C19orf47: variants seen among roughly 807,000 people sequenced by gnomAD.
C19orf47 encodes chromosome 19 open reading frame 47.
Under a neutral mutation model 32.3 loss-of-function variants are expected in C19orf47, and 18 were observed. That is an observed-to-expected ratio of 0.56 (90% CI 0.39 to 0.83). The LOEUF is 0.83. Among genes scored for constraint, C19orf47 ranks in the 40% least tolerant of loss-of-function variants. C19orf47 has a pLI of 0.00. For missense variants in C19orf47, 484 were observed against 531.6 expected (o/e 0.91, Z 0.88); for synonymous variants, 202 against 211.1 (o/e 0.96, Z 0.37).
At chr19:40,322,419 C>A in intron 8 of C19orf47, 43 bp from the exon 9 acceptor site, 1 of 1,520,172 alleles carries the variant, frequency 6.6e-7, no homozygotes, top group South Asian at 1.3e-5. Context: ...CTGAGTCACT[C>A]AACACACATT....
At chr19:40,338,266 TAC>T (rs35520400) in intron 2 of C19orf47, among the ~76,000 whole-genome samples, 3,946 of 143,548 alleles carry the variant, frequency 0.027, 65 homozygotes, top group Non-Finnish European at 0.033. Context: ...TACATATATA[TAC>T]ACACACACAC....
At chr19:40,344,678 A>T (rs1399248370) in intron 1 of C19orf47, among the ~76,000 whole-genome samples, 1 of 151,398 alleles carries the variant, frequency 6.6e-6, no homozygotes. Context: ...TCGATGAAAA[A>T]CCCCGACTCA....
downstream of C19orf47, among the ~76,000 whole-genome samples, chr19:40,317,765 G>A (rs1568598303): frequency 6.7e-6 from 1 of 150,008 alleles, no homozygotes; most frequent in Non-Finnish European, 1.5e-5. Flanking sequence ...TGTCGCCCAG[G>A]CTGGAGTGTA....
intron 6 of C19orf47, 44 bp from the exon 7 acceptor site, chr19:40,326,530 C>T (rs757277228): frequency 2.6e-5 from 41 of 1,594,654 alleles, no homozygotes; most frequent in Middle Eastern, 3.3e-4. Context: ...TGAGACAGAA[C>T]GTTCTCCCAG....
chr19:40,309,193 C>CT, the C19orf47 span, among the ~76,000 whole-genome samples: 3,493 of 141,692 alleles, frequency 0.025, 123 homozygotes, highest in African/African-American at 0.073. Flanking sequence ...TTCTCTCTCT[C>CT]TTTTTTTTTT....
chr19:40,311,556 A>ATAC, the C19orf47 span, among the ~76,000 whole-genome samples: 2 of 151,906 alleles, frequency 1.3e-5, no homozygotes, highest in Non-Finnish European at 2.9e-5. Context: ...AATAATAATA[A>ATAC]TAAATAAAAA....
chr19:40,328,305 C>T (rs768477061), intron 6 of C19orf47, 108 bp downstream of exon 6: 2 of 1,483,678 alleles, frequency 1.3e-6, no homozygotes, highest in Non-Finnish European at 1.8e-6. Flanking sequence ...TTTTGTATAC[C>T]TTGTGGCCTT....
the C19orf47 span, among the ~76,000 whole-genome samples, chr19:40,302,507 GCTGGT>G: frequency 2.6e-3 from 400 of 152,192 alleles, no homozygotes; most frequent in Non-Finnish European, 4.4e-3. Flanking sequence ...TGTTGCCCAG[GCTGGT>G]CTCCTAGACT....
chr19:40,313,719 C>T, the C19orf47 span, among the ~76,000 whole-genome samples: 1 of 152,086 alleles, frequency 6.6e-6, no homozygotes, highest in South Asian at 2.1e-4. Flanking sequence ...ATGGCTCATG[C>T]CTGTAATTCC....
the C19orf47 span, among the ~76,000 whole-genome samples, chr19:40,302,047 G>A: frequency 1.3e-4 from 20 of 151,812 alleles, no homozygotes; most frequent in African/African-American, 4.8e-4. Flanking sequence ...TGTAATCCCA[G>A]CTACTCAGGA....
the C19orf47 span, among the ~76,000 whole-genome samples, chr19:40,309,545 C>G: frequency 6.6e-6 from 1 of 152,118 alleles, no homozygotes; most frequent in Admixed American, 6.6e-5. Context: ...ATTTTTGCAT[C>G]ATTTGAGTGT....
At chr19:40,304,002 T>C in the C19orf47 span, among the ~76,000 whole-genome samples, 5 of 152,092 alleles carry the variant, frequency 3.3e-5, no homozygotes, top group African/African-American at 1.2e-4. Context: ...ATTAACCTTA[T>C]TCTTTTGTTT....
rs1491585470 is a variant in C19orf47 at position 40,340,976 on chromosome 19, A to AG, written c.19+862_19+863insC. Among the ~76,000 whole-genome samples the AG allele has an allele frequency of 4.3e-4, 15 of 34,996 alleles. 1 individual carries two copies. In the South Asian group the frequency reaches 0.011, roughly 25 times the overall value. The allele number at this position is 34,996 out of a possible 152,430, so 23.0% of individuals were successfully genotyped here. On this transcript the variant is annotated intron_variant, in intron 2 of 8. Transcript: ENST00000683109. ...CTGGGCAACAGTGTGAGCCTGTCTC[A>AG]AAAAAAAAAAAAAAAAAGGATATAC...
intron 1 of C19orf47, 46 bp downstream of exon 1, chr19:40,348,278 C>T (rs2078369127): frequency 7.9e-7 from 1 of 1,272,594 alleles, no homozygotes; most frequent in Admixed American, 4.3e-5. Context: ...GCCACCCGTC[C>T]CTACCGCAAC....
intron 1 of C19orf47, 38 bp from the exon 2 acceptor site, chr19:40,341,928 C>T: frequency 6.5e-7 from 1 of 1,536,052 alleles, no homozygotes; most frequent in Non-Finnish European, 8.7e-7. Context: ...TGAGCTGCTG[C>T]CGGCTGTGAG....
chr19:40,321,688 A>T lies in C19orf47; in HGVS notation c.*194T>A. Reference sequence around the variant, plus strand: ...GAGAAGGGGAGTCCTGGAGCAGGCCAGGCCAGCTGCGACGACCATCCCAGG... The same window carrying T: ...GAGAAGGGGAGTCCTGGAGCAGGCCTGGCCAGCTGCGACGACCATCCCAGG... On this transcript the variant is annotated 3_prime_UTR_variant, in exon 9 of 9. Coordinates refer to ENST00000683109, the MANE Select transcript of C19orf47 (RefSeq NM_001256441.2). 7.1e-7 allele frequency: 1 copy of T among 1,415,620 alleles called. No homozygotes were observed. Among genetic ancestry groups the T allele is most frequent in the Non-Finnish European group, 9.2e-7 (1 of 1,090,824 alleles). 87.7% of individuals were successfully genotyped at this position (1,415,620 alleles called of 1,614,324 possible). A position where few individuals can be genotyped will look rare whatever the true frequency, so the allele number is the denominator to read the frequency against.
chr19:40,345,483 G>A (rs556997553), intron 1 of C19orf47, among the ~76,000 whole-genome samples: 1 of 149,966 alleles, frequency 6.7e-6, no homozygotes, highest in African/African-American at 2.5e-5. Context: ...AGGATCTCTG[G>A]AGCCCAGGAT....
chr19:40,310,164 A>C, the C19orf47 span, among the ~76,000 whole-genome samples: 1 of 152,170 alleles, frequency 6.6e-6, no homozygotes, highest in Non-Finnish European at 1.5e-5. Context: ...CATCCATACA[A>C]TGGAATATTA....
rs2077883278 is a variant in C19orf47, at chr19:40,328,542, G to A, written c.310C>T (p.Arg104Ter). 4.4e-6 allele frequency: 7 copies of A among 1,605,698 alleles called. No individual in the cohort carries two copies. Among genetic ancestry groups the A allele is most frequent in the South Asian group, 1.1e-5 (1 of 89,958 alleles). Residue 104 changes from arginine (R) to a stop codon, truncating the protein, a stop_gained, in exon 6 of 9, where the codon CGA becomes TGA. Coordinates refer to ENST00000683109, the MANE Select transcript of C19orf47 (RefSeq NM_001256441.2). LOFTEE classifies it high-confidence loss of function. Reference protein sequence around the residue: ...EIRRGTSAASRMITNSLNHDS... With the variant: ...EIRRGTSAAS ...TGGTTCAGGCTGTTGGTGATCATTC[G>A]GGAGGCAGCTGTGGGGAGAAAAGGA...
Sources: allele counts gnomAD v4.1 joint callset (sites outside exome capture counted in the v4.1 genomes callset), GRCh38; gene constraint gnomAD v4.1.1; transcripts MANE v1.5; gene names NCBI Gene and HGNC (gene_info 2026-07-23, HGNC 2026-07-21).